Variants in PCDHA12 observed in about 807,000 individuals in gnomAD.
PCDHA12 encodes the protein protocadherin alpha 12.
PCDHA12 carries 44 observed loss-of-function variants against 60.0 expected under a neutral mutation model. That is an observed-to-expected ratio of 0.73 (90% CI 0.58 to 0.94). The LOEUF is 0.94. Ranked by LOEUF, PCDHA12 falls within the 40% of genes least tolerant of loss-of-function variation. PCDHA12 has a pLI of 0.00. For synonymous variants in PCDHA12, 569 were observed against 553.0 expected, an observed-to-expected ratio of 1.03 and a Z score of -0.40; for missense variants, 1,276 against 1,239.7, an observed-to-expected ratio of 1.03 and a Z score of -0.44.
intron 1 of PCDHA12, among the ~76,000 whole-genome samples, chr5:140,905,871 G>C (rs889363141): frequency 6.6e-6 from 1 of 152,078 alleles, no homozygotes; most frequent in African/African-American, 2.4e-5. Context: ...ACAATCACAA[G>C]GCCCAACAAT....
intron 1 of PCDHA12, among the ~76,000 whole-genome samples, chr5:140,880,638 T>C (rs1239160653): frequency 6.6e-6 from 1 of 152,134 alleles, no homozygotes; most frequent in Non-Finnish European, 1.5e-5. Flanking sequence ...ATCAATTCAC[T>C]TGAGAGCCCA....
At chr5:140,929,051 G>A (rs1398009156) in intron 1 of PCDHA12, 2 of 1,614,170 alleles carry the variant, frequency 1.2e-6, no homozygotes, top group South Asian at 1.1e-5. Flanking sequence ...AGCTGCTGTC[G>A]CTCTACAGAG....
At chr5:140,937,198 C>T (rs2091402998) in intron 1 of PCDHA12, among the ~76,000 whole-genome samples, 1 of 151,908 alleles carries the variant, frequency 6.6e-6, no homozygotes, top group Non-Finnish European at 1.5e-5. Context: ...CCACCATGCC[C>T]GGCTAATTTT....
intron 3 of PCDHA12, among the ~76,000 whole-genome samples, chr5:141,000,391 C>CTA (rs2097912428): frequency 7.9e-4 from 45 of 56,656 alleles, no homozygotes; most frequent in East Asian, 1.2e-3. Flanking sequence ...CTCTCTCTCT[C>CTA]TCTCTATATA....
chr5:140,986,897 T>A (rs534075146), intron 3 of PCDHA12, among the ~76,000 whole-genome samples: 13 of 152,086 alleles, frequency 8.5e-5, no homozygotes, highest in Non-Finnish European at 1.9e-4. Flanking sequence ...TTAGGCCCTA[T>A]CCTAGACTAA....
At chr5:140,956,890 G>T (rs2095318198) in intron 1 of PCDHA12, among the ~76,000 whole-genome samples, 3 of 152,136 alleles carry the variant, frequency 2.0e-5, no homozygotes, top group Non-Finnish European at 4.4e-5. Context: ...ATCAATGAAT[G>T]AATATTCTTA....
chr5:140,947,188 T>C (rs2153678869), intron 1 of PCDHA12, among the ~76,000 whole-genome samples: 1 of 151,448 alleles, frequency 6.6e-6, no homozygotes, highest in South Asian at 2.1e-4. Context: ...CATGGTATAC[T>C]ACACAGCCTT....
chr5:141,010,470 G>A lies in PCDHA12; in HGVS notation c.*533G>A. ...ACAGCGGAAGTTATCAGTATGGAGG[G>A]GAAGTGTAAACTTAAAGGGACCAGA... On this transcript the variant is annotated 3_prime_UTR_variant, in exon 4 of 4. Transcript: ENST00000398631. The A allele has an allele frequency of 2.6e-6, 2 of 780,290 alleles. No homozygotes were observed. The highest frequency in any genetic ancestry group is 3.0e-5 in the East Asian group (1 of 33,872). 48.3% of individuals were successfully genotyped at this position (780,290 alleles called of 1,614,324 possible).
At chr5:140,880,759 T>C (rs2058465198) in intron 1 of PCDHA12, among the ~76,000 whole-genome samples, 1 of 152,188 alleles carries the variant, frequency 6.6e-6, no homozygotes. Context: ...TAACTGCGTG[T>C]TGGAGGCTAA....
chr5:140,909,268 A>C (rs946921668), intron 1 of PCDHA12, among the ~76,000 whole-genome samples: 1 of 152,240 alleles, frequency 6.6e-6, no homozygotes. Context: ...ACTGAAGGCA[A>C]ATTGCTTCTG....
chr5:140,926,170 C>T lies in PCDHA12; in HGVS notation c.2367+48331C>T, dbSNP rs558750358. 2.6e-5 allele frequency among the ~76,000 whole-genome samples: 4 copies of T among 151,860 alleles called. No homozygotes were observed. In the South Asian group the frequency reaches 6.6e-4, roughly 25 times the overall value. On this transcript the variant is annotated intron_variant, in intron 1 of 3. Coordinates refer to ENST00000398631, the MANE Select transcript of PCDHA12 (RefSeq NM_018903.4). ...CGGAAAGCTCTGCAGCAGGATCCAG[C>T]GCGGAAAGCCCCCCGCAGCACTTCT...
intron 3 of PCDHA12, among the ~76,000 whole-genome samples, chr5:141,001,942 TAAG>T (rs140166770): frequency 0.017 from 2,515 of 151,936 alleles, 63 homozygotes; most frequent in African/African-American, 0.058. Context: ...TGAGCGGAAA[TAAG>T]GAGGAGGGAG....
intron 1 of PCDHA12, chr5:140,928,636 A>G: frequency 6.2e-7 from 1 of 1,614,206 alleles, no homozygotes; most frequent in Non-Finnish European, 8.5e-7. Context: ...CTTGGTCACA[A>G]AAGTGGTAGC....
chr5:140,902,102 G>T (rs1407664200), intron 1 of PCDHA12, among the ~76,000 whole-genome samples: 1 of 151,098 alleles, frequency 6.6e-6, no homozygotes, highest in Non-Finnish European at 1.5e-5. Flanking sequence ...GGAGTCTTTA[G>T]ATTTTTTTAA....
chr5:140,935,393 C>T (rs1213341467), intron 1 of PCDHA12, among the ~76,000 whole-genome samples: 2 of 152,166 alleles, frequency 1.3e-5, no homozygotes, highest in Admixed American at 6.5e-5. Context: ...TGTTATCCCA[C>T]GGGACTCAAA....
chr5:140,967,633 T>G, intron 1 of PCDHA12: 2 of 1,614,106 alleles, frequency 1.2e-6, no homozygotes, highest in Non-Finnish European at 1.7e-6. Flanking sequence ...AGGGCTCCAA[T>G]GGTGAGCTCA....
chr5:140,969,106 A>G, intron 1 of PCDHA12: 1 of 1,614,132 alleles, frequency 6.2e-7, no homozygotes, highest in Non-Finnish European at 8.5e-7. Flanking sequence ...ACTTCATTGA[A>G]GTTCGAGGGA....
chr5:140,927,176 TGACCTAC>T (rs1285493810), intron 1 of PCDHA12: 5 of 1,614,156 alleles, frequency 3.1e-6, no homozygotes, highest in Non-Finnish European at 4.2e-6. Flanking sequence ...GCCTGCGTCT[TGACCTAC>T]GACCTGGTGC....
chr5:140,995,113 A>T (rs560699104), intron 3 of PCDHA12, among the ~76,000 whole-genome samples: 1 of 152,370 alleles, frequency 6.6e-6, no homozygotes, highest in East Asian at 1.9e-4. Flanking sequence ...CAAGACCCTC[A>T]GTGGATGCCT....
Sources: gnomAD v4.1 joint callset for allele counts (sites outside exome capture counted in the v4.1 genomes callset) on GRCh38, gnomAD v4.1.1 for gene constraint, MANE v1.5 for transcripts, NCBI Gene and HGNC (gene_info 2026-07-23, HGNC 2026-07-21) for gene names.